The following ZFHX3 variants were observed in gnomAD, a reference collection of about 807,000 sequenced individuals.
ZFHX3 encodes zinc finger homeobox protein 3.
Under a neutral mutation model 279.1 loss-of-function variants are expected in ZFHX3, and 42 were observed. The observed-to-expected ratio is 0.15, with a 90% CI of 0.12 to 0.19. ZFHX3 has a LOEUF of 0.19. Among genes scored for constraint, ZFHX3 ranks in the 10% least tolerant of loss-of-function variants. The pLI, the probability that ZFHX3 is intolerant of heterozygous loss-of-function variation, is 1.00. For missense variants in ZFHX3, 4,981 were observed against 4,754.0 expected, an observed-to-expected ratio of 1.05 and a Z score of -1.40; for synonymous variants, 2,293 against 1,957.8, an observed-to-expected ratio of 1.17 and a Z score of -4.52.
At position 73,128,029 on chromosome 16, in the gene ZFHX3, C is replaced by A. The variant is rs551477148; in HGVS notation, c.-897+2939G>T. Among the ~76,000 whole-genome samples, 6 of 152,302 alleles carry A rather than the reference C, an allele frequency of 3.9e-5. No homozygotes were observed. In the South Asian group the frequency reaches 1.2e-3, roughly 32 times the overall value. ...AGTGTTGATATGGATAAGAGTGAAA[C>A]TATCTGGAATGTTAAGCAAATGGAT... On this transcript the variant is annotated intron_variant, in intron 7 of 17. Coordinates refer to the ZFHX3 transcript ENST00000641206.
chr16:73,560,510 A>G (rs1248868079), intron 2 of ZFHX3, among the ~76,000 whole-genome samples: 1 of 152,144 alleles, frequency 6.6e-6, no homozygotes, highest in Non-Finnish European at 1.5e-5. Flanking sequence ...ATATTACCCC[A>G]TCAAGTTGGT....
chr16:73,779,806 C>T (rs1009777635), intron 1 of ZFHX3, among the ~76,000 whole-genome samples: 1 of 152,134 alleles, frequency 6.6e-6, no homozygotes, highest in Non-Finnish European at 1.5e-5. Context: ...CAACCTCCAA[C>T]TCCCAGGATT....
At chr16:72,789,046 C>G (rs975430920) in intron 9 of ZFHX3, 198 bp from the exon 10 acceptor site, 1 of 540,948 alleles carries the variant, frequency 1.8e-6, no homozygotes. Context: ...GGACTCAGTC[C>G]TAGGTCAGCT....
chr16:73,671,884 A>T (rs2052907689), intron 2 of ZFHX3, among the ~76,000 whole-genome samples: 1 of 152,086 alleles, frequency 6.6e-6, no homozygotes, highest in African/African-American at 2.4e-5. Context: ...ACCTATATAC[A>T]TCTCTCTCAT....
intron 3 of ZFHX3, among the ~76,000 whole-genome samples, chr16:73,325,359 T>TA (rs2015660589): frequency 6.6e-6 from 1 of 152,210 alleles, no homozygotes; most frequent in Non-Finnish European, 1.5e-5. Flanking sequence ...TGGGCAGTGC[T>TA]AAGACAGATG....
At chr16:73,292,675 A>ATG (rs141189867) in intron 4 of ZFHX3, among the ~76,000 whole-genome samples, 4,914 of 151,380 alleles carry the variant, frequency 0.032, 216 homozygotes, top group African/African-American at 0.097. Flanking sequence ...CTACTGTGTG[A>ATG]TGTGTGTGTG....
At chr16:73,419,016 C>T (rs2017659376) in intron 3 of ZFHX3, among the ~76,000 whole-genome samples, 1 of 152,150 alleles carries the variant, frequency 6.6e-6, no homozygotes, top group Non-Finnish European at 1.5e-5. Context: ...GGGATTTAAA[C>T]ACTCAGCTCT....
chr16:73,726,321 A>G (rs1002629417), intron 1 of ZFHX3, among the ~76,000 whole-genome samples: 27 of 152,190 alleles, frequency 1.8e-4, no homozygotes, highest in African/African-American at 6.5e-4. Flanking sequence ...CCCAGAGGAC[A>G]TATTGCTGCC....
At chr16:73,511,120 A>G (rs988839065) in intron 2 of ZFHX3, among the ~76,000 whole-genome samples, 1 of 152,214 alleles carries the variant, frequency 6.6e-6, no homozygotes, top group Non-Finnish European at 1.5e-5. Flanking sequence ...TGGCTGGCTG[A>G]GAACGGAAGT....
chr16:73,575,348 T>A (rs1449302024), intron 2 of ZFHX3, among the ~76,000 whole-genome samples: 1 of 152,216 alleles, frequency 6.6e-6, no homozygotes, highest in Admixed American at 6.5e-5. Flanking sequence ...CTAGGACCTT[T>A]CACAATCTCC....
rs2144432190 is a variant in ZFHX3 at position 72,957,477 on chromosome 16, C to A, written c.2669G>T (p.Gly890Val). 1 of 1,613,932 alleles carries A rather than the reference C, an allele frequency of 6.2e-7. No homozygotes were observed. The highest frequency in any genetic ancestry group is 8.5e-7 in the Non-Finnish European group (1 of 1,179,926). The part of the protein sequence containing the change: ...AASDAQFMMS[G>V]FQLDPAGPMA... ...GGGCCCGGCGGGATCCAGCTGGAAT[C>A]CGCTCATCATGAACTGGGCGTCCGA... The change falls in exon 2 of 10, where the codon GGA becomes GTA. Residue 890 changes from glycine to valine, a missense_variant. Transcript: ENST00000268489.
intron 1 of ZFHX3, among the ~76,000 whole-genome samples, chr16:73,003,328 A>AC (rs1250644047): frequency 6.6e-6 from 1 of 151,932 alleles, no homozygotes; most frequent in Non-Finnish European, 1.5e-5. Flanking sequence ...AAAAAAAAAA[A>AC]AAAACCATCA....
chr16:73,384,399 G>A (rs908708564), intron 3 of ZFHX3, among the ~76,000 whole-genome samples: 2 of 152,082 alleles, frequency 1.3e-5, no homozygotes, highest in Admixed American at 6.5e-5. Flanking sequence ...GCAGGTCTGA[G>A]GTGAGGTCAA....
chr16:73,727,883 G>A (rs1361996809), intron 1 of ZFHX3, among the ~76,000 whole-genome samples: 1 of 152,122 alleles, frequency 6.6e-6, no homozygotes, highest in Non-Finnish European at 1.5e-5. Context: ...CTGGACTCAT[G>A]AGAGAAAAGC....
intron 4 of ZFHX3, among the ~76,000 whole-genome samples, chr16:72,854,561 G>A (rs1437693336): frequency 1.3e-5 from 2 of 152,166 alleles, no homozygotes. Flanking sequence ...ACTGGCAGAA[G>A]ATGGTCCTGG....
At chr16:73,405,160 G>C (rs952236851) in intron 3 of ZFHX3, among the ~76,000 whole-genome samples, 3 of 152,172 alleles carry the variant, frequency 2.0e-5, no homozygotes, top group African/African-American at 7.2e-5. Flanking sequence ...CTGAGCATCA[G>C]CGACCAAAGC....
chr16:72,838,059 G>C (rs1188833740), intron 4 of ZFHX3, among the ~76,000 whole-genome samples: 1 of 152,214 alleles, frequency 6.6e-6, no homozygotes, highest in East Asian at 1.9e-4. Flanking sequence ...CTTCCAAGGG[G>C]GTTGCAGCAG....
intron 3 of ZFHX3, among the ~76,000 whole-genome samples, chr16:73,408,295 G>A (rs1015181693): frequency 2.6e-5 from 4 of 152,074 alleles, no homozygotes; most frequent in African/African-American, 4.8e-5. Context: ...GAGCAGAATC[G>A]ACTAGAGAGG....
At chr16:73,642,686 G>C (rs1475209737) in intron 2 of ZFHX3, among the ~76,000 whole-genome samples, 1 of 152,100 alleles carries the variant, frequency 6.6e-6, no homozygotes, top group East Asian at 1.9e-4. Context: ...ATTAAGCGTA[G>C]TACATATGTG....
Sources: allele counts gnomAD v4.1 joint callset (sites outside exome capture counted in the v4.1 genomes callset), GRCh38; gene constraint gnomAD v4.1.1; transcripts MANE v1.5; gene names NCBI Gene and HGNC (gene_info 2026-07-23, HGNC 2026-07-21).